The following SLC2A13 variants were observed in gnomAD, a reference collection of about 807,000 sequenced individuals.
SLC2A13 encodes proton myo-inositol cotransporter.
SLC2A13 carries 32 observed loss-of-function variants against 64.4 expected under a neutral mutation model. That is an observed-to-expected ratio of 0.50 (90% CI 0.37 to 0.67). The LOEUF (loss-of-function observed/expected upper bound fraction) is 0.67. Ranked by LOEUF, SLC2A13 falls within the 30% of genes least tolerant of loss-of-function variation. The probability of loss-of-function intolerance (pLI) is 0.00; values close to 1 mark genes in which losing one functional copy is unlikely to be tolerated. For synonymous variants in SLC2A13, 338 were observed against 327.1 expected, an observed-to-expected ratio of 1.03 and a Z score of -0.36; for missense variants, 743 against 829.2, an observed-to-expected ratio of 0.90 and a Z score of 1.28.
At chr12:39,960,021 G>A (rs936224467) in intron 3 of SLC2A13, among the ~76,000 whole-genome samples, 3 of 152,006 alleles carry the variant, frequency 2.0e-5, no homozygotes, top group Non-Finnish European at 4.4e-5. Flanking sequence ...TCCCCTCCCC[G>A]TGTCCATATG....
intron 4 of SLC2A13, among the ~76,000 whole-genome samples, chr12:39,899,069 C>T (rs1257978779): frequency 6.6e-6 from 1 of 151,948 alleles, no homozygotes; most frequent in Admixed American, 6.6e-5. Flanking sequence ...CCAGTTCCTC[C>T]TTGTACCTCT....
At chr12:39,940,818 G>T (rs1946009740) in intron 4 of SLC2A13, among the ~76,000 whole-genome samples, 1 of 151,956 alleles carries the variant, frequency 6.6e-6, no homozygotes, top group African/African-American at 2.4e-5. Flanking sequence ...CATCACCCAA[G>T]CAGTATATAC....
rs575784984 is a variant in SLC2A13 at position 39,858,309 on chromosome 12, C to T, written c.1319+6453G>A. 2.0e-5 allele frequency among the ~76,000 whole-genome samples: 3 copies of T among 152,270 alleles called. No individual in the cohort carries two copies. The South Asian group carries it at 6.2e-4, about 32-fold the overall frequency. ...GACTTATGTACATTTATCTTTATCT[C>T]CAATGGGTCTGTAGATATTAGTAAC... On this transcript the variant is annotated intron_variant, in intron 6 of 9. Transcript: ENST00000280871.
At chr12:39,855,317 C>T (rs1311833067) in intron 6 of SLC2A13, among the ~76,000 whole-genome samples, 1 of 152,044 alleles carries the variant, frequency 6.6e-6, no homozygotes, top group Admixed American at 6.6e-5. Context: ...TATTCTGGCA[C>T]CTGTATTTCA....
At chr12:39,974,159 A>G (rs1461942325) in intron 3 of SLC2A13, among the ~76,000 whole-genome samples, 1 of 152,246 alleles carries the variant, frequency 6.6e-6, no homozygotes. Flanking sequence ...TCTCACAACA[A>G]ATATATGAGT....
intron 4 of SLC2A13, among the ~76,000 whole-genome samples, chr12:39,898,096 A>G (rs542694833): frequency 6.6e-6 from 1 of 152,252 alleles, no homozygotes; most frequent in South Asian, 2.1e-4. Context: ...TTGGGAATAT[A>G]ATTTTTGTTC....
chr12:40,075,819 T>C (rs369491680), intron 1 of SLC2A13, among the ~76,000 whole-genome samples: 50 of 152,300 alleles, frequency 3.3e-4, no homozygotes, highest in Non-Finnish European at 6.2e-4. Flanking sequence ...GTAATTTCTA[T>C]TGTTTGAATT....
At chr12:39,820,322 G>C (rs1942456074) in intron 7 of SLC2A13, among the ~76,000 whole-genome samples, 1 of 152,186 alleles carries the variant, frequency 6.6e-6, no homozygotes, top group Admixed American at 6.5e-5. Context: ...TATGAGCACA[G>C]AGTTTTGTGT....
chr12:39,827,999 T>C (rs1304738809), intron 7 of SLC2A13, among the ~76,000 whole-genome samples: 1 of 152,148 alleles, frequency 6.6e-6, no homozygotes, highest in Non-Finnish European at 1.5e-5. Flanking sequence ...AGGTCATGGT[T>C]GACTTTGCCC....
chr12:39,946,678 C>T (rs1171080261), intron 4 of SLC2A13, among the ~76,000 whole-genome samples: 6 of 152,182 alleles, frequency 3.9e-5, no homozygotes, highest in Admixed American at 6.5e-5. Flanking sequence ...CCAACTCTCA[C>T]GCAAACGGAA....
chr12:40,105,884 C>T lies in SLC2A13; in HGVS notation c.-76G>A. 2 of 1,267,548 alleles carry T rather than the reference C, an allele frequency of 1.6e-6. No homozygotes were observed. The highest frequency in any genetic ancestry group is 2.6e-5 in the South Asian group (1 of 37,956). 78.5% of individuals were successfully genotyped at this position (1,267,548 alleles called of 1,614,324 possible). A position where few individuals can be genotyped will look rare whatever the true frequency, so the allele number is the denominator to read the frequency against. On this transcript the variant is annotated 5_prime_UTR_variant, in exon 1 of 10. Transcript: ENST00000280871. This position sits in a 1 kb window ranked among gnomAD's most constrained non-coding sequence, Gnocchi z 4.2. ...GTCTCGGCGAGCTAGACAGCCCGAG[C>T]CGGCGGGAGCAACCGCCGCTGCCGC...
chr12:40,031,152 G>A (rs761692108), intron 2 of SLC2A13, among the ~76,000 whole-genome samples: 3 of 152,274 alleles, frequency 2.0e-5, no homozygotes, highest in African/African-American at 2.4e-5. Context: ...ACACAGGAAT[G>A]GATGTGGGTG....
intron 1 of SLC2A13, among the ~76,000 whole-genome samples, chr12:40,088,591 G>T (rs879313641): frequency 2.6e-5 from 4 of 152,116 alleles, no homozygotes; most frequent in African/African-American, 9.7e-5. Flanking sequence ...TCTTGTCTTG[G>T]AGCTGTGTTA....
chr12:39,968,264 G>A (rs768273840), intron 3 of SLC2A13, among the ~76,000 whole-genome samples: 28 of 152,054 alleles, frequency 1.8e-4, no homozygotes, highest in South Asian at 4.2e-4. Flanking sequence ...GGGGTGGTGC[G>A]GCGGGAGAGC....
chr12:40,096,123 G>T (rs1328598319), intron 1 of SLC2A13, among the ~76,000 whole-genome samples: 1 of 151,154 alleles, frequency 6.6e-6, no homozygotes, highest in Non-Finnish European at 1.5e-5. Flanking sequence ...TAGAGATGGG[G>T]TTTCACCATG....
intron 7 of SLC2A13, among the ~76,000 whole-genome samples, chr12:39,783,509 A>T (rs1048444299): frequency 1.2e-4 from 18 of 152,008 alleles, no homozygotes; most frequent in East Asian, 3.9e-4. Flanking sequence ...TGTTCCTATT[A>T]CCCCACATCC....
At chr12:39,905,822 G>GAAAAAAA (rs10682990) in intron 4 of SLC2A13, among the ~76,000 whole-genome samples, 2 of 145,402 alleles carry the variant, frequency 1.4e-5, no homozygotes, top group Non-Finnish European at 3.0e-5. Context: ...AAAATGCCCA[G>GAAAAAAA]AAAAAAAAAA....
chr12:39,908,711 C>T (rs1167264654), intron 4 of SLC2A13, among the ~76,000 whole-genome samples: 3 of 151,956 alleles, frequency 2.0e-5, no homozygotes, highest in Non-Finnish European at 4.4e-5. Flanking sequence ...TGGGTTTTCA[C>T]TCTCACCCTT....
chr12:39,879,269 C>A (rs1944280308), intron 4 of SLC2A13, among the ~76,000 whole-genome samples: 1 of 152,200 alleles, frequency 6.6e-6, no homozygotes, highest in Admixed American at 6.5e-5. Context: ...TGGGGTTGAG[C>A]CCTCAGACAG....
Sources: allele counts gnomAD v4.1 joint callset (sites outside exome capture counted in the v4.1 genomes callset), GRCh38; gene constraint gnomAD v4.1.1; non-coding constraint Gnocchi (gnomAD v3.1); transcripts MANE v1.5; gene names NCBI Gene and HGNC (gene_info 2026-07-23, HGNC 2026-07-21).